Variants in MBD3 observed in about 807,000 individuals in gnomAD.
The protein encoded by MBD3 is methyl-CpG binding domain protein 3, also known as methyl-CpG-binding domain protein 3.
MBD3 carries 13 observed loss-of-function variants against 31.2 expected under a neutral mutation model. That is an observed-to-expected ratio of 0.42 (90% CI 0.27 to 0.66). The LOEUF (loss-of-function observed/expected upper bound fraction) is 0.66, where lower values mean the gene tolerates loss of function less well. MBD3 is among the 30% of genes least tolerant of loss of function. The pLI is 0.26. For missense variants in MBD3, 440 were observed against 426.5 expected, an observed-to-expected ratio of 1.03 and a Z score of -0.28; for synonymous variants, 223 against 187.4, an observed-to-expected ratio of 1.19 and a Z score of -1.55.
chr19:1,577,567 T>A lies in MBD3; in HGVS notation c.*597A>T, dbSNP rs753954494. The A allele has an allele frequency of 6.6e-6, 1 of 152,218 alleles. No homozygotes were observed. The highest frequency in any genetic ancestry group is 1.5e-5 in the Non-Finnish European group (1 of 68,060). 9.4% of individuals were successfully genotyped at this position (152,218 alleles called of 1,614,324 possible). On this transcript the variant is annotated 3_prime_UTR_variant, in exon 7 of 7. Transcript: ENST00000434436. ...AGGGAAGGCTGCCCGATGACGTGCC[T>A]CGACTGTGTTACATTTACTGAAGGA...
chr19:1,585,173 C>T lies in MBD3; in HGVS notation c.152G>A (p.Arg51His). The change falls in exon 2 of 7, where the codon CGC becomes CAC. Residue 51 changes from arginine (R) to histidine (H), a missense_variant. Arg to His is a conservative substitution (Grantham distance 29, BLOSUM62 0). This residue lies in a region of MBD3 where 179 missense variants were observed against 134.7 expected (regional missense o/e 1.33). Coordinates refer to ENST00000434436, the MANE Select transcript of MBD3 (RefSeq NM_001281453.2). The surrounding 1 kb of genome is among the most constrained non-coding windows in gnomAD (Gnocchi z 4.1). ...KKFRSKPQLA[R>H]YLGGSMDLST... ...CAGGTCCATGGAGCCGCCCAGGTAG[C>T]GCGCCAGCTGCGGCTTGCTGCGGAA... 6.2e-7 allele frequency: 1 copy of T among 1,608,050 alleles called. No individual in the cohort carries two copies.
At position 1,576,537 on chromosome 19, in the gene MBD3, G is replaced by A. The variant is rs552911043; in HGVS notation, c.*1627C>T. ...GTCTTCTCTGAATACCCCTAAGCCT[G>A]ACTCTTGGGTTGTGAATGTCCGCGA... On this transcript the variant is annotated 3_prime_UTR_variant, in exon 7 of 7. Transcript: ENST00000434436. The A allele has an allele frequency of 1.3e-5, 2 of 152,398 alleles. No individual in the cohort carries two copies. Among genetic ancestry groups the A allele is most frequent in the South Asian group, 2.1e-4 (1 of 4,830 alleles). 9.4% of individuals were successfully genotyped at this position (152,398 alleles called of 1,614,324 possible).
chr19:1,592,379 G>A (rs1019770273), intron 1 of MBD3, 143 bp downstream of exon 1: 14 of 192,774 alleles, frequency 7.3e-5, no homozygotes, highest in African/African-American at 3.4e-4. Flanking sequence ...CGCGCCGGGC[G>A]CACACGCACG....
intron 5 of MBD3, 131 bp downstream of exon 5, chr19:1,580,961 G>A (rs1917338648): frequency 8.4e-7 from 1 of 1,197,408 alleles, no homozygotes; most frequent in South Asian, 1.3e-5. Context: ...CCCTTGCCCT[G>A]GCTGTTTCTG....
At chr19:1,582,018 T>C (rs138926084) in intron 4 of MBD3, among the ~76,000 whole-genome samples, 53 of 152,254 alleles carry the variant, frequency 3.5e-4, no homozygotes, top group Middle Eastern at 6.8e-3. Flanking sequence ...CCGCCCGCCT[T>C]GGCCTCCCAG....
At chr19:1,587,139 A>G (rs2060683202) in intron 1 of MBD3, among the ~76,000 whole-genome samples, 1 of 150,826 alleles carries the variant, frequency 6.6e-6, no homozygotes, top group Admixed American at 6.6e-5. Context: ...CTAATTTTTT[A>G]TATTTTTAGT....
In MBD3 at chr19:1,578,112, C is replaced by A. The variant is rs113262002; in HGVS notation, c.*52G>T. The A allele has an allele frequency of 1.3e-3, 829 of 659,650 alleles. 5 individuals carry two copies. In the African/African-American group the frequency reaches 0.013, roughly 11 times the overall value. The allele number at this position is 659,650 out of a possible 1,614,324, so 40.9% of individuals were successfully genotyped here. A position where few individuals can be genotyped will look rare whatever the true frequency, so the allele number is the denominator to read the frequency against. On this transcript the variant is annotated 3_prime_UTR_variant, in exon 7 of 7. Coordinates refer to ENST00000434436, the MANE Select transcript of MBD3 (RefSeq NM_001281453.2). The surrounding 1 kb of genome is among the most constrained non-coding windows in gnomAD (Gnocchi z 6.1). ...CTGGTTCACGTGGGGCCGAGGACCG[C>A]GTCTGCAGGCGGCTCCAGCAGGCAG...
intron 1 of MBD3, among the ~76,000 whole-genome samples, chr19:1,587,391 G>A (rs148463915): frequency 4.0e-5 from 6 of 151,746 alleles, no homozygotes; most frequent in Admixed American, 2.6e-4. Context: ...GAGTCATCAC[G>A]CCCTGCTGCT....
chr19:1,585,134 A>C lies in MBD3; in HGVS notation c.191T>G (p.Phe64Cys). The C allele has an allele frequency of 6.2e-7, 1 of 1,611,948 alleles. No homozygotes were observed. Among genetic ancestry groups the C allele is most frequent in the Non-Finnish European group, 8.5e-7 (1 of 1,179,470 alleles). Residue 64 changes from phenylalanine to cysteine, a missense_variant, in exon 2 of 7, where the codon TTC (phenylalanine) becomes TGC (cysteine). This residue lies in a region of MBD3 where 179 missense variants were observed against 134.7 expected (regional missense o/e 1.33). Coordinates refer to ENST00000434436, the MANE Select transcript of MBD3 (RefSeq NM_001281453.2). The surrounding 1 kb of genome is among the most constrained non-coding windows in gnomAD (Gnocchi z 4.1). ...GCTCATCAGCATCTTGCCCGTGCGG[A>C]AGTCGAAGGTGCTCAGGTCCATGGA... Reference protein sequence around the residue: ...GGSMDLSTFDFRTGKMLMSKM... With the variant: ...GGSMDLSTFDCRTGKMLMSKM...
Position 1,592,568 on chromosome 19 carries a change from TG to T in MBD3, c.63del (p.Arg22GlufsTer38). On this transcript the variant is annotated frameshift_variant, in exon 1 of 7. Transcript: ENST00000434436. LOFTEE classifies it high-confidence loss of function. The part of the protein sequence containing the change: ...LPQGWEREEV[P>X]RRSGLSAGHR... ...TGGCCGGCCGACAGCCCCGACCTTC[TG>T]GGCACTTCTTCCCTCTCCCAGCCCT... is the stretch of plus-strand genomic sequence containing the variant. 1.4e-6 allele frequency: 2 copies of T among 1,443,832 alleles called. No homozygotes were observed. Among genetic ancestry groups the T allele is most frequent in the East Asian group, 3.4e-5 (1 of 29,410 alleles). The allele number at this position is 1,443,832 out of a possible 1,614,324, so 89.4% of individuals were successfully genotyped here.
At chr19:1,584,394 G>T (rs1454418832) in intron 3 of MBD3, 146 bp downstream of exon 3, 6 of 1,272,802 alleles carry the variant, frequency 4.7e-6, no homozygotes, top group Non-Finnish European at 5.6e-6. Context: ...TTTTTTACTT[G>T]TTTTTTGCCT....
chr19:1,588,329 A>C lies in MBD3; in HGVS notation c.111-3115T>G, dbSNP rs79346757. Among the ~76,000 whole-genome samples, 763 of 152,278 alleles carry C rather than the reference A, an allele frequency of 5.0e-3. 4 individuals are homozygous for C. The highest frequency in any genetic ancestry group is 0.017 in the African/African-American group (698 of 41,552). ...TCTGGACTGGCTGACGTTCAGTCGA[A>C]GCTGGTTTGCCCAGGGCAGTGGAAA... On this transcript the variant is annotated intron_variant, in intron 1 of 6. Transcript: ENST00000434436.
intron 5 of MBD3, among the ~76,000 whole-genome samples, chr19:1,580,487 G>A (rs1917326418): frequency 6.6e-6 from 1 of 152,220 alleles, no homozygotes; most frequent in Admixed American, 6.5e-5. Context: ...TCTGACCTAA[G>A]CCGTGTGCTG....
At chr19:1,583,036 T>C (rs1281013068) in intron 3 of MBD3, among the ~76,000 whole-genome samples, 1 of 151,772 alleles carries the variant, frequency 6.6e-6, no homozygotes, top group Non-Finnish European at 1.5e-5. Flanking sequence ...AAACCCCTTA[T>C]CTACTAAAAA....
chr19:1,585,576 A>T lies in MBD3; in HGVS notation c.111-362T>A. 1 of 298,238 alleles carries T rather than the reference A, an allele frequency of 3.4e-6. No individual in the cohort carries two copies. The highest frequency in any genetic ancestry group is 6.5e-6 in the Non-Finnish European group (1 of 154,744). 18.5% of individuals were successfully genotyped at this position (298,238 alleles called of 1,614,324 possible). A position where few individuals can be genotyped will look rare whatever the true frequency, so the allele number is the denominator to read the frequency against. On this transcript the variant is annotated intron_variant, in intron 1 of 6. Transcript: ENST00000434436. This position sits in a 1 kb window ranked among gnomAD's most constrained non-coding sequence, Gnocchi z 4.1. The stretch of plus-strand genomic sequence containing the variant: ...GTCCCCTCTGAATCCTCCCCACCGT[A>T]GGCCCTGGCAGCGTCAGGCACAGCA...
At position 1,590,029 on chromosome 19, in the gene MBD3, C is replaced by T. The variant is rs568013467; in HGVS notation, c.110+2493G>A. On this transcript the variant is annotated intron_variant, in intron 1 of 6. Coordinates refer to ENST00000434436, the MANE Select transcript of MBD3 (RefSeq NM_001281453.2). Reference sequence around the variant, plus strand: ...CAATGTACTAAAAACCACTGGGGGCCGGGTGTGGTGGCTCAGGCCTGTAAT... The same window carrying T: ...CAATGTACTAAAAACCACTGGGGGCTGGGTGTGGTGGCTCAGGCCTGTAAT... Among the ~76,000 whole-genome samples, 21 of 152,164 alleles carry T rather than the reference C, an allele frequency of 1.4e-4. No homozygotes were observed. In the East Asian group the frequency reaches 2.1e-3, roughly 15 times the overall value.
chr19:1,584,764 C>A lies in MBD3; in HGVS notation c.271-87G>T, dbSNP rs1427682800. 2.9e-6 allele frequency: 4 copies of A among 1,381,792 alleles called. No individual in the cohort carries two copies. The African/African-American group carries it at 4.3e-5, about 15-fold the overall frequency. 85.6% of individuals were successfully genotyped at this position (1,381,792 alleles called of 1,614,324 possible). On this transcript the variant is annotated intron_variant, in intron 2 of 6. Coordinates refer to ENST00000434436, the MANE Select transcript of MBD3 (RefSeq NM_001281453.2). ...GGTGCGGGGCCCGGGTGACCCCCTG[C>A]TTTGCCGGCGCCCCTCGTGTCCCCC...
At chr19:1,589,420 A>G (rs1274247287) in intron 1 of MBD3, among the ~76,000 whole-genome samples, 1 of 151,618 alleles carries the variant, frequency 6.6e-6, no homozygotes, top group Admixed American at 6.6e-5. Context: ...TGGGAGGCCA[A>G]GGAGGGCAGA....
intron 2 of MBD3, 52 bp from the exon 3 acceptor site, chr19:1,584,729 A>G (rs1198331193): frequency 1.9e-6 from 3 of 1,580,282 alleles, no homozygotes; most frequent in East Asian, 2.3e-5. Flanking sequence ...GGCGGCGCGG[A>G]GCCTCAGGGG....
Sources: gnomAD v4.1 joint callset for allele counts (sites outside exome capture counted in the v4.1 genomes callset) on GRCh38, gnomAD v4.1.1 for gene constraint, gnomAD v4.1.1 regional missense constraint, Gnocchi (gnomAD v3.1) non-coding constraint, MANE v1.5 for transcripts, NCBI Gene and HGNC (gene_info 2026-07-23, HGNC 2026-07-21) for gene names.